Variants in GAK observed in about 807,000 individuals in gnomAD.
GAK encodes cyclin-G-associated kinase.
In GAK, 79 loss-of-function variants were observed where a neutral mutation model predicts 143.9. That is an observed-to-expected ratio of 0.55 (90% confidence interval 0.46 to 0.66). The LOEUF (loss-of-function observed/expected upper bound fraction) is 0.66, where lower values mean the gene tolerates loss of function less well. Among genes scored for constraint, GAK ranks in the 30% least tolerant of loss-of-function variants. GAK has a pLI of 0.00. For synonymous variants in GAK, 881 were observed against 765.5 expected (o/e 1.15, Z -2.49); for missense variants, 1,693 against 1,779.7 (o/e 0.95, Z 0.88).
chr4:899,146 C>T (rs971169909), intron 5 of GAK, among the ~76,000 whole-genome samples: 3 of 152,190 alleles, frequency 2.0e-5, no homozygotes, highest in East Asian at 3.9e-4. Flanking sequence ...CCATGTGGAA[C>T]GAAAGGAGAA....
intron 27 of GAK, 37 bp from the exon 28 acceptor site, chr4:849,811 C>T: frequency 6.3e-7 from 1 of 1,575,530 alleles, no homozygotes; most frequent in South Asian, 1.1e-5. Context: ...CTCTTATAAG[C>T]ATGCGGGGGC....
At position 893,509 on chromosome 4, in the gene GAK, C is replaced by A; in HGVS notation, c.878-20G>T. 6.6e-7 allele frequency: 1 copy of A among 1,520,178 alleles called. No individual in the cohort carries two copies. 94.2% of individuals were successfully genotyped at this position (1,520,178 alleles called of 1,614,324 possible). Reference sequence around the variant, plus strand: ...TGGCGCCTGCAGCAGAAGCACAGCGCGCTCGGCCCCACGGTTCCCCAGGCG... The same window carrying A: ...TGGCGCCTGCAGCAGAAGCACAGCGAGCTCGGCCCCACGGTTCCCCAGGCG... On this transcript the variant is annotated intron_variant, in intron 8 of 27. Transcript: ENST00000314167.
At position 867,034 on chromosome 4, in the gene GAK, C is replaced by T. The variant is rs777950991; in HGVS notation, c.2794G>A (p.Glu932Lys). The T allele has an allele frequency of 3.7e-5, 56 of 1,514,158 alleles. No homozygotes were observed. Among genetic ancestry groups the T allele is most frequent in the South Asian group, 1.3e-4 (10 of 75,776 alleles). 93.8% of individuals were successfully genotyped at this position (1,514,158 alleles called of 1,614,324 possible). A position where few individuals can be genotyped will look rare whatever the true frequency, so the allele number is the denominator to read the frequency against. ...GGGCTTGCCAGGAGCAGCGGGTCCTCGCTGAGCAGATCCTCCGGGGGCCCC... is the reference window on the plus strand; with the variant it reads ...GGGCTTGCCAGGAGCAGCGGGTCCTTGCTGAGCAGATCCTCCGGGGGCCCC... ...SQGPPEDLLS[E>K]DPLLLASPAP... is the part of the protein sequence containing the mutation. The change falls in exon 21 of 28, where the codon GAG (glutamate) becomes AAG (lysine). Residue 932 changes from glutamate (E) to lysine (K), a missense_variant. Physicochemically the swap from Glu to Lys is moderately conservative, Grantham distance 56. Transcript: ENST00000314167.
chr4:850,214 C>T (rs962619382), intron 26 of GAK, 146 bp from the exon 27 acceptor site: 2 of 735,418 alleles, frequency 2.7e-6, no homozygotes, highest in Admixed American at 5.8e-5. Flanking sequence ...CCACTGCACG[C>T]CCTGCCCTCA....
intron 11 of GAK, chr4:885,644 C>G (rs1004359619): frequency 2.0e-5 from 3 of 152,246 alleles, no homozygotes; most frequent in Non-Finnish European, 2.9e-5. Context: ...GCTCAGGCCC[C>G]GAGGCCCTGG....
At chr4:865,344 C>T (rs1208463041) in intron 22 of GAK, 100 bp from the exon 23 acceptor site, 2 of 1,467,770 alleles carry the variant, frequency 1.4e-6, no homozygotes, top group South Asian at 1.2e-5. Context: ...GAGCGGACAC[C>T]TCTTGCACCC....
chr4:929,181 C>T (rs1725293158), intron 1 of GAK, among the ~76,000 whole-genome samples: 1 of 152,198 alleles, frequency 6.6e-6, no homozygotes, highest in Non-Finnish European at 1.5e-5. Context: ...CTGTGCCCTC[C>T]CCATTCCTTA....
Position 932,294 on chromosome 4 carries a change from T to A in GAK, c.-107A>T. On this transcript the variant is annotated 5_prime_UTR_variant, in exon 1 of 28. The change abolishes an upstream ATG in the 5' untranslated region. Coordinates refer to ENST00000314167, the MANE Select transcript of GAK (RefSeq NM_005255.4). This position sits in a 1 kb window ranked among gnomAD's most constrained non-coding sequence, Gnocchi z 4.0. ...CAACCGCCGGCCCGGAGGTGCACCA[T>A]CTTCCGCCTCGACGCCGTGACGTAG... The A allele has an allele frequency of 9.4e-6, 13 of 1,385,628 alleles. No individual in the cohort carries two copies. Among genetic ancestry groups the A allele is most frequent in the Non-Finnish European group, 1.2e-5 (13 of 1,077,798 alleles). The allele number at this position is 1,385,628 out of a possible 1,614,324, so 85.8% of individuals were successfully genotyped here.
At position 932,284 on chromosome 4, in the gene GAK, A is replaced by C; in HGVS notation, c.-97T>G. The C allele has an allele frequency of 7.1e-7, 1 of 1,400,046 alleles. No homozygotes were observed. The allele number at this position is 1,400,046 out of a possible 1,614,324, so 86.7% of individuals were successfully genotyped here. On this transcript the variant is annotated 5_prime_UTR_variant, in exon 1 of 28. Transcript: ENST00000314167. The surrounding 1 kb of genome is among the most constrained non-coding windows in gnomAD (Gnocchi z 4.0). ...GTCAGCTCAGCAACCGCCGGCCCGG[A>C]GGTGCACCATCTTCCGCCTCGACGC...
At chr4:890,647 C>T in intron 9 of GAK, 25 bp from the exon 10 acceptor site, 1 of 1,593,134 alleles carries the variant, frequency 6.3e-7, no homozygotes, top group African/African-American at 1.3e-5. Flanking sequence ...ATGCAGAGGT[C>T]AGTTCTCTAA....
chr4:906,053 G>A (rs529027864), intron 4 of GAK, among the ~76,000 whole-genome samples: 6 of 152,204 alleles, frequency 3.9e-5, no homozygotes, highest in Non-Finnish European at 8.8e-5. Context: ...TGCCGTTAAC[G>A]TGAGAACCAC....
intron 10 of GAK, among the ~76,000 whole-genome samples, chr4:889,721 G>A (rs891938376): frequency 3.3e-5 from 5 of 152,320 alleles, no homozygotes; most frequent in South Asian, 2.1e-4. Flanking sequence ...GGGCGAGGTC[G>A]GGAGGGGTCA....
Position 922,388 on chromosome 4 carries a change from G to A in GAK, c.146-8720C>T, listed in dbSNP as rs149889491. 2.3e-3 allele frequency among the ~76,000 whole-genome samples: 343 copies of A among 152,038 alleles called. 2 individuals carry two copies. The highest frequency in any genetic ancestry group is 4.7e-3 in the African/African-American group (196 of 41,484). On this transcript the variant is annotated intron_variant, in intron 1 of 27. Coordinates refer to ENST00000314167, the MANE Select transcript of GAK (RefSeq NM_005255.4). ...AAATCAGCGGCGCATGGTGGTGGGCGCCTGTAGTCCCAGCTACTCAGGAAA... is the reference window on the plus strand; with the variant it reads ...AAATCAGCGGCGCATGGTGGTGGGCACCTGTAGTCCCAGCTACTCAGGAAA...
At chr4:900,681 T>G (rs3775118) in intron 5 of GAK, among the ~76,000 whole-genome samples, 1 of 152,056 alleles carries the variant, frequency 6.6e-6, no homozygotes, top group Admixed American at 6.5e-5. Context: ...TCCGTCAGAA[T>G]GGGGCCTCAG....
intron 1 of GAK, chr4:913,956 A>G: frequency 4.4e-6 from 1 of 228,694 alleles, no homozygotes. Context: ...ACACACACAC[A>G]GCCCCAGCGT....
intron 5 of GAK, among the ~76,000 whole-genome samples, chr4:900,454 G>A (rs1001327786): frequency 3.3e-5 from 5 of 152,208 alleles, no homozygotes; most frequent in African/African-American, 7.2e-5. Flanking sequence ...TCACAGACAC[G>A]GATTCTTCAC....
chr4:865,160 G>A lies in GAK; in HGVS notation c.3128C>T (p.Thr1043Ile), dbSNP rs1434632351. 1 of 1,612,330 alleles carries A rather than the reference G, an allele frequency of 6.2e-7. No homozygotes were observed. The change falls in exon 23 of 28, where the codon ACT (threonine) becomes ATT (isoleucine). Residue 1043 changes from threonine (T) to isoleucine (I), a missense_variant. Physicochemically the swap from Thr to Ile is moderately conservative, Grantham distance 89. This residue lies in a region of GAK where 822 missense variants were observed against 788.7 expected (regional missense o/e 1.04). Coordinates refer to ENST00000314167, the MANE Select transcript of GAK (RefSeq NM_005255.4). Reference protein sequence around the residue: ...LLGGWAAWTETAASAVAPTPA... With the variant: ...LLGGWAAWTEIAASAVAPTPA... The stretch of plus-strand genomic sequence containing the variant: ...CGTGGGGGCCACTGCCGATGCTGCA[G>A]TCTCGGTCCAGGCAGCCCATCCTCC...
chr4:897,333 C>G (rs1280893603), intron 6 of GAK, among the ~76,000 whole-genome samples: 3 of 152,220 alleles, frequency 2.0e-5, no homozygotes, highest in Non-Finnish European at 2.9e-5. Context: ...AAAGCGCCCT[C>G]CACTCATGCT....
At chr4:919,286 A>C (rs1485877255) in intron 1 of GAK, among the ~76,000 whole-genome samples, 1 of 146,756 alleles carries the variant, frequency 6.8e-6, no homozygotes, top group East Asian at 2.1e-4. Flanking sequence ...GTGCCGCATG[A>C]CCTTAGAAAG....
Sources: gnomAD v4.1 joint callset for allele counts (sites outside exome capture counted in the v4.1 genomes callset) on GRCh38, gnomAD v4.1.1 for gene constraint, gnomAD v4.1.1 regional missense constraint, Gnocchi (gnomAD v3.1) non-coding constraint, MANE v1.5 for transcripts, NCBI Gene and HGNC (gene_info 2026-07-23, HGNC 2026-07-21) for gene names.